KANSL3: variants seen among roughly 807,000 people sequenced by gnomAD.
KANSL3 encodes the protein KAT8 regulatory NSL complex subunit 3.
In KANSL3, 16 loss-of-function variants were observed where a neutral mutation model predicts 89.2. That is an observed-to-expected ratio of 0.18 (90% CI 0.12 to 0.27). The LOEUF is 0.27. Ranked by LOEUF, KANSL3 falls within the 10% of genes least tolerant of loss-of-function variation. The pLI, the probability that KANSL3 is intolerant of heterozygous loss-of-function variation, is 1.00. For missense variants in KANSL3, 879 were observed against 1,110.6 expected (o/e 0.79, Z 2.96); for synonymous variants, 385 against 419.7 (o/e 0.92, Z 1.01).
chr2:96,582,120 G>A, the KANSL3 span, among the ~76,000 whole-genome samples: 1 of 152,098 alleles, frequency 6.6e-6, no homozygotes, highest in African/African-American at 2.4e-5. Flanking sequence ...GCCAGGTGCG[G>A]TGGCTCACAT....
Position 96,604,383 on chromosome 2 carries a change from G to A in KANSL3, c.2019-3C>T. ...CTCCACCTTCAGAAGAACTGGACCT[G>A]GAGACAAAGGAAGGAGCTCTGTTAT... On this transcript the variant is annotated splice_polypyrimidine_tract_variant and splice_region_variant and intron_variant, in intron 16 of 20. Coordinates refer to ENST00000431828, the MANE Select transcript of KANSL3 (RefSeq NM_001115016.3). The A allele has an allele frequency of 1.9e-6, 3 of 1,609,482 alleles. No homozygotes were observed. The South Asian group carries it at 3.3e-5, about 18-fold the overall frequency.
chr2:96,604,620 G>A (rs1389591222), intron 16 of KANSL3, among the ~76,000 whole-genome samples, 159 bp downstream of exon 16: 1 of 152,150 alleles, frequency 6.6e-6, no homozygotes, highest in Non-Finnish European at 1.5e-5. Context: ...GTGAACTCTG[G>A]GTTGACTCAA....
chr2:96,597,221 AG>A (rs1170552374), intron 20 of KANSL3, among the ~76,000 whole-genome samples: 1 of 152,254 alleles, frequency 6.6e-6, no homozygotes, highest in Non-Finnish European at 1.5e-5. Context: ...ACAACTATCC[AG>A]TCAGTGTTAA....
chr2:96,636,124 G>A (rs1464952569), intron 2 of KANSL3, among the ~76,000 whole-genome samples: 1 of 152,106 alleles, frequency 6.6e-6, no homozygotes, highest in Non-Finnish European at 1.5e-5. Flanking sequence ...ATTAAAACCA[G>A]TGCTTAAGGA....
intron 14 of KANSL3, chr2:96,607,137 G>A: frequency 1.4e-6 from 1 of 712,038 alleles, no homozygotes; most frequent in Non-Finnish European, 2.1e-6. Flanking sequence ...GTAGAAAATG[G>A]CCAATAGGGG....
chr2:96,601,912 A>G, intron 19 of KANSL3, 136 bp from the exon 20 acceptor site: 1 of 1,338,834 alleles, frequency 7.5e-7, no homozygotes, highest in Non-Finnish European at 9.9e-7. Context: ...TCTATGCCCT[A>G]TCAGTCAATC....
At chr2:96,636,784 G>A (rs374618478) in intron 2 of KANSL3, 137 bp downstream of exon 2, 3 of 725,496 alleles carry the variant, frequency 4.1e-6, no homozygotes, top group East Asian at 5.6e-5. Context: ...TCCTTATGCT[G>A]CTTAAGAGAT....
At chr2:96,608,468 A>C (rs747046230) in intron 14 of KANSL3, 40 bp downstream of exon 14, 4 of 1,609,696 alleles carry the variant, frequency 2.5e-6, no homozygotes, top group Middle Eastern at 1.7e-4. Context: ...TGAACTACAG[A>C]AGACAGACCC....
intron 3 of KANSL3, chr2:96,627,923 A>G (rs1423066689): frequency 2.3e-6 from 3 of 1,289,858 alleles, no homozygotes; most frequent in Non-Finnish European, 3.0e-6. Context: ...GTTACCTACC[A>G]AAAGAGATGG....
At position 96,619,699 on chromosome 2, in the gene KANSL3, G is replaced by T; in HGVS notation, c.450C>A (p.Asp150Glu). ...CTTCGTTGGCCAAGCGGGCAAGCCG[G>T]TCAGACTGCAGGGCTTTGAGGATCT... ...FNKILKALQSDRLARLANEGA... is the reference protein window; with the variant it reads ...FNKILKALQSERLARLANEGA... Residue 150 changes from aspartate to glutamate, a missense_variant, in exon 4 of 21, where the codon GAC becomes GAA. This residue lies in a region of KANSL3 where 210 missense variants were observed against 311.9 expected (regional missense o/e 0.67). Coordinates refer to ENST00000431828, the MANE Select transcript of KANSL3 (RefSeq NM_001115016.3). 1 of 1,566,044 alleles carries T rather than the reference G, an allele frequency of 6.4e-7. No homozygotes were observed. The highest frequency in any genetic ancestry group is 8.7e-7 in the Non-Finnish European group (1 of 1,155,232).
At chr2:96,602,732 C>T in intron 18 of KANSL3, 21 bp downstream of exon 18, 1 of 1,567,180 alleles carries the variant, frequency 6.4e-7, no homozygotes, top group Non-Finnish European at 8.6e-7. Flanking sequence ...CTGCCCAGCC[C>T]AGCAGATGGC....
Position 96,608,950 on chromosome 2 carries a change from T to C in KANSL3, c.1498A>G (p.Arg500Gly). 6.4e-7 allele frequency: 1 copy of C among 1,566,224 alleles called. No homozygotes were observed. The highest frequency in any genetic ancestry group is 8.7e-7 in the Non-Finnish European group (1 of 1,155,294). The part of the protein sequence containing the change: ...KKKKPRDVAR[R>G]DLAFEVPERG... ...TCAGGGACTTCAAAGGCCAAGTCTC[T>C]GCGGGCCACATCGCGGGGCTTCTTC... Residue 500 changes from arginine to glycine, a missense_variant, in exon 13 of 21, where the codon AGA becomes GGA. Arg to Gly is a moderately radical substitution (Grantham distance 125). This residue lies in a region of KANSL3 where 317 missense variants were observed against 311.2 expected (regional missense o/e 1.02). Transcript: ENST00000431828.
intron 20 of KANSL3, chr2:96,600,526 G>A: frequency 1.0e-6 from 1 of 985,396 alleles, no homozygotes; most frequent in Non-Finnish European, 1.2e-6. Context: ...AGACAGAAGA[G>A]CTTTTAGAAT....
intron 2 of KANSL3, among the ~76,000 whole-genome samples, chr2:96,635,021 A>G (rs771071060): frequency 1.3e-5 from 2 of 152,144 alleles, no homozygotes; most frequent in Non-Finnish European, 2.9e-5. Flanking sequence ...TACATCTCAA[A>G]GTCATCTATA....
rs944458373 is a variant in KANSL3, at chr2:96,636,948, G to C, written c.188C>G (p.Thr63Ser). 24 of 1,543,284 alleles carry C rather than the reference G, an allele frequency of 1.6e-5. No individual in the cohort carries two copies. Among genetic ancestry groups the C allele is most frequent in the Non-Finnish European group, 2.0e-5 (23 of 1,141,980 alleles). ...GGTACTTTCGTGCTGCCGCCGGGGAGTGACAAAGAGCATGCGGGTGGGGCG... is the reference window on the plus strand; with the variant it reads ...GGTACTTTCGTGCTGCCGCCGGGGACTGACAAAGAGCATGCGGGTGGGGCG... ...SARPTRMLFV[T>S]PRRQHESTIE... Residue 63 changes from threonine to serine, a missense_variant, in exon 2 of 21, where the codon ACT becomes AGT. Thr to Ser is a moderately conservative substitution (Grantham distance 58). Coordinates refer to ENST00000431828, the MANE Select transcript of KANSL3 (RefSeq NM_001115016.3).
intron 18 of KANSL3, among the ~76,000 whole-genome samples, 198 bp from the exon 19 acceptor site, chr2:96,602,536 T>C (rs575404023): frequency 1.3e-5 from 2 of 152,352 alleles, no homozygotes; most frequent in Non-Finnish European, 2.9e-5. Context: ...TTACCTCATT[T>C]TATAGACAAA....
In KANSL3 at chr2:96,608,612, G is replaced by A; in HGVS notation, c.1637C>T (p.Thr546Ile). The part of the protein sequence containing the change: ...SPTSSPKTKV[T>I]TVTSAQKSSQ... Reference sequence around the variant, plus strand: ...GGACTTCTGGGCAGAGGTCACTGTGGTCACTTTGGTCTTGGGACTGGAGGT... The same window carrying A: ...GGACTTCTGGGCAGAGGTCACTGTGATCACTTTGGTCTTGGGACTGGAGGT... Residue 546 changes from threonine to isoleucine, a missense_variant, in exon 14 of 21, where the codon ACC becomes ATC. Coordinates refer to ENST00000431828, the MANE Select transcript of KANSL3 (RefSeq NM_001115016.3). 6.2e-7 allele frequency: 1 copy of A among 1,614,002 alleles called. No homozygotes were observed. The highest frequency in any genetic ancestry group is 8.5e-7 in the Non-Finnish European group (1 of 1,179,894).
In KANSL3 at chr2:96,600,425, A is replaced by C. The variant is rs892064788; in HGVS notation, c.2616+1218T>G. On this transcript the variant is annotated intron_variant, in intron 20 of 20. Coordinates refer to ENST00000431828, the MANE Select transcript of KANSL3 (RefSeq NM_001115016.3). ...AAAATAAGAAATAAGATAAAATTAA[A>C]ACATTTCCATCCCTCTGCAAAAAAA... 4 of 981,728 alleles carry C rather than the reference A, an allele frequency of 4.1e-6. No individual in the cohort carries two copies. The African/African-American group carries it at 7.0e-5, about 17-fold the overall frequency. 60.8% of individuals were successfully genotyped at this position (981,728 alleles called of 1,614,324 possible).
chr2:96,608,614 C>T lies in KANSL3; in HGVS notation c.1635G>A (p.Val545=), dbSNP rs2068367380. 1 of 1,613,988 alleles carries T rather than the reference C, an allele frequency of 6.2e-7. No individual in the cohort carries two copies. The highest frequency in any genetic ancestry group is 8.5e-7 in the Non-Finnish European group (1 of 1,179,892). Residue 545 remains valine, a synonymous_variant, in exon 14 of 21, where the codon GTG becomes GTA. Transcript: ENST00000431828. ...ACTTCTGGGCAGAGGTCACTGTGGT[C>T]ACTTTGGTCTTGGGACTGGAGGTGG... is the stretch of plus-strand genomic sequence containing the variant. ...SSPTSSPKTK[V]TTVTSAQKSS...
Sources: gnomAD v4.1 joint callset for allele counts (sites outside exome capture counted in the v4.1 genomes callset) on GRCh38, gnomAD v4.1.1 for gene constraint, gnomAD v4.1.1 regional missense constraint, MANE v1.5 for transcripts, NCBI Gene and HGNC (gene_info 2026-07-23, HGNC 2026-07-21) for gene names.